Variants in KERA observed in about 807,000 individuals in gnomAD.
KERA encodes keratocan, also known as keratan sulfate proteoglycan keratocan.
KERA carries 25 observed loss-of-function variants against 26.4 expected under a neutral mutation model. The observed-to-expected ratio is 0.95, with a 90% CI of 0.69 to 1.32. The LOEUF is 1.32. Among genes scored for constraint, KERA ranks in the 40% most tolerant of loss-of-function variants. The pLI is 0.00. For synonymous variants in KERA, 167 were observed against 146.1 expected (o/e 1.14, Z -1.03); for missense variants, 434 against 408.9 (o/e 1.06, Z -0.53).
Position 91,051,034 on chromosome 12 carries a change from T to C in KERA, c.*312A>G. On this transcript the variant is annotated 3_prime_UTR_variant, in exon 3 of 3. Transcript: ENST00000266719. ...AACATACACAAATGTGTCCTTTTTA[T>C]TGTATAAGAATGTAATTGTTTTCTT... The C allele has an allele frequency of 3.7e-6, 1 of 269,476 alleles. No individual in the cohort carries two copies. 16.7% of individuals were successfully genotyped at this position (269,476 alleles called of 1,614,324 possible).
chr12:91,055,937 T>C lies in KERA; in HGVS notation c.345A>G (p.Gly115=). ...GCAACTTCTTCAGCTGGCTTAGGGCTCCTTTTTCAATTCCGTAGTTGGTTA... is the reference window on the plus strand; with the variant it reads ...GCAACTTCTTCAGCTGGCTTAGGGCCCCTTTTTCAATTCCGTAGTTGGTTA... ...NKITNYGIEK[G]ALSQLKKLLF... The change falls in exon 2 of 3, where the codon GGA becomes GGG. Residue 115 remains glycine, a synonymous_variant. Coordinates refer to ENST00000266719, the MANE Select transcript of KERA (RefSeq NM_007035.4). 6.2e-7 allele frequency: 1 copy of C among 1,611,262 alleles called. No individual in the cohort carries two copies. Among genetic ancestry groups the C allele is most frequent in the South Asian group, 1.1e-5 (1 of 90,996 alleles).
chr12:91,057,356 CAT>C (rs745458341), intron 1 of KERA, among the ~76,000 whole-genome samples: 2 of 88,756 alleles, frequency 2.3e-5, no homozygotes, highest in East Asian at 3.1e-4. Context: ...TTATAGCATA[CAT>C]ATGTTACATA....
rs1356444633 is a variant in KERA at position 91,055,986 on chromosome 12, C to T, written c.296G>A (p.Trp99Ter). 1 of 1,610,648 alleles carries T rather than the reference C, an allele frequency of 6.2e-7. No individual in the cohort carries two copies. The highest frequency in any genetic ancestry group is 8.5e-7 in the Non-Finnish European group (1 of 1,178,080). Residue 99 changes from tryptophan (W) to a stop codon, truncating the protein, a stop_gained, in exon 2 of 3, where the codon TGG (tryptophan) becomes TAG (stop). Transcript: ENST00000266719. LOFTEE classifies it high-confidence loss of function. ...KPFENATQLR[W>*]INLNKNKITN... ...TATTTTGTTCTTGTTTAGATTTATCCATCTTAGCTGGGTGGCATTCTCAAA... is the reference window on the plus strand; with the variant it reads ...TATTTTGTTCTTGTTTAGATTTATCTATCTTAGCTGGGTGGCATTCTCAAA...
chr12:91,052,531 G>A (rs961806325), intron 2 of KERA, among the ~76,000 whole-genome samples: 7 of 151,490 alleles, frequency 4.6e-5, no homozygotes, highest in African/African-American at 1.7e-4. Flanking sequence ...ATGCCATTTT[G>A]TAAACTGAAT....
Position 91,055,541 on chromosome 12 carries a change from G to A in KERA, c.741C>T (p.Asn247=), listed in dbSNP as rs569911279. The change falls in exon 2 of 3, where the codon AAC becomes AAT. Residue 247 remains asparagine, a synonymous_variant. Coordinates refer to ENST00000266719, the MANE Select transcript of KERA (RefSeq NM_007035.4). ...PKVAFLRLNH[N]KLSDEGLPSR... ...ATGGGAGACCCTCATCTGACAGTTT[G>A]TTGTGATTTAGTCTCAAAAAGGCCA... 1.2e-6 allele frequency: 2 copies of A among 1,610,446 alleles called. No individual in the cohort carries two copies. Among genetic ancestry groups the A allele is most frequent in the Admixed American group, 1.7e-5 (1 of 59,662 alleles).
rs1387514332 is a variant in KERA, at chr12:91,051,493, G to A, written c.912C>T (p.Pro304=). ...GTTCTGCAGGCAGCATGGATGGGCT[G>A]GGACATATTACAGAGACATTCACAC... ...IKSVNVSVIC[P]SPSMLPAERD... Residue 304 remains proline (P), a synonymous_variant, in exon 3 of 3, where the codon CCC becomes CCT. Transcript: ENST00000266719. 3 of 1,609,808 alleles carry A rather than the reference G, an allele frequency of 1.9e-6. No homozygotes were observed. Among genetic ancestry groups the A allele is most frequent in the African/African-American group, 2.7e-5 (2 of 74,664 alleles).
Position 91,056,227 on chromosome 12 carries a change from A to G in KERA, c.55T>C (p.Trp19Arg), listed in dbSNP as rs763193954. ...MWVLFITDTV[W>R]SRSVRQVYEV... ...TAGACCTGCCTCACACTTCTAGACC[A>G]CACAGTGTCTGTTATGAATAACACC... Residue 19 changes from tryptophan to arginine, a missense_variant, in exon 2 of 3, where the codon TGG (tryptophan) becomes CGG (arginine). Trp to Arg is a moderately radical substitution (Grantham distance 101, BLOSUM62 -3). Transcript: ENST00000266719. 6 of 1,608,996 alleles carry G rather than the reference A, an allele frequency of 3.7e-6. No homozygotes were observed. The Admixed American group carries it at 1.0e-4, about 27-fold the overall frequency.
At chr12:91,052,233 T>C (rs747029970) in intron 2 of KERA, among the ~76,000 whole-genome samples, 1 of 151,604 alleles carries the variant, frequency 6.6e-6, no homozygotes, top group South Asian at 2.1e-4. Flanking sequence ...GCACCTGCCT[T>C]GGATCAAAGC....
At chr12:91,054,853 C>G (rs1430792661) in intron 2 of KERA, among the ~76,000 whole-genome samples, 1 of 151,246 alleles carries the variant, frequency 6.6e-6, no homozygotes, top group Non-Finnish European at 1.5e-5. Context: ...TCCACATCTA[C>G]TGAATCAGAA....
At chr12:91,054,910 C>G (rs1034105498) in intron 2 of KERA, among the ~76,000 whole-genome samples, 1 of 151,106 alleles carries the variant, frequency 6.6e-6, no homozygotes, top group Non-Finnish European at 1.5e-5. Context: ...TTTGAGACTC[C>G]CACTGTAATT....
In KERA at chr12:91,051,436, G is replaced by T; in HGVS notation, c.969C>A (p.Arg323=). The T allele has an allele frequency of 6.2e-7, 1 of 1,610,896 alleles. No individual in the cohort carries two copies. The highest frequency in any genetic ancestry group is 8.5e-7 in the Non-Finnish European group (1 of 1,177,754). ...TTTCATTTCCATCCAGACGGAGGTAGCGAAGATGAGGTCCATAACTGAAGG... is the reference window on the plus strand; with the variant it reads ...TTTCATTTCCATCCAGACGGAGGTATCGAAGATGAGGTCCATAACTGAAGG... ...RDSFSYGPHL[R]YLRLDGNEIK... Residue 323 remains arginine (R), a synonymous_variant, in exon 3 of 3, where the codon CGC becomes CGA. Coordinates refer to ENST00000266719, the MANE Select transcript of KERA (RefSeq NM_007035.4).
At chr12:91,055,029 A>T (rs934049657) in intron 2 of KERA, among the ~76,000 whole-genome samples, 1 of 151,198 alleles carries the variant, frequency 6.6e-6, no homozygotes, top group African/African-American at 2.4e-5. Flanking sequence ...TATTTTCTTT[A>T]TTACTAGTCA....
chr12:91,056,456 A>G (rs1879008782), intron 1 of KERA, among the ~76,000 whole-genome samples, 167 bp from the exon 2 acceptor site: 1 of 151,272 alleles, frequency 6.6e-6, no homozygotes, highest in Admixed American at 6.6e-5. Flanking sequence ...TAGGCACCAT[A>G]TGCAAAGCAT....
chr12:91,056,706 C>T (rs1235752600), intron 1 of KERA, among the ~76,000 whole-genome samples: 2 of 151,252 alleles, frequency 1.3e-5, no homozygotes, highest in African/African-American at 2.4e-5. Context: ...TATGCTTTTA[C>T]TTTTACTCTT....
intron 1 of KERA, 22 bp from the exon 2 acceptor site, chr12:91,056,311 T>C: frequency 1.3e-6 from 2 of 1,581,514 alleles, no homozygotes; most frequent in African/African-American, 1.4e-5. Flanking sequence ...GGAACACAAC[T>C]GTTAGATATT....
rs533396477 is a variant in KERA at position 91,054,723 on chromosome 12, C to T, written c.886+673G>A. On this transcript the variant is annotated intron_variant, in intron 2 of 2. Coordinates refer to ENST00000266719, the MANE Select transcript of KERA (RefSeq NM_007035.4). The stretch of plus-strand genomic sequence containing the variant: ...GTAAGTCCCAAGGAGTTGCCAGCTA[C>T]CAGGGAAATTTCTTTCCATTTTAAT... 4.0e-5 allele frequency among the ~76,000 whole-genome samples: 6 copies of T among 151,360 alleles called. No homozygotes were observed. The Middle Eastern group carries it at 0.01, about 257-fold the overall frequency.
At chr12:91,054,101 C>G (rs533702133) in intron 2 of KERA, among the ~76,000 whole-genome samples, 1 of 151,322 alleles carries the variant, frequency 6.6e-6, no homozygotes, top group Admixed American at 6.6e-5. Flanking sequence ...ATTTCATCAC[C>G]ATGGAAAAAT....
At chr12:91,055,322 T>C in intron 2 of KERA, 74 bp downstream of exon 2, 1 of 1,333,920 alleles carries the variant, frequency 7.5e-7, no homozygotes, top group Non-Finnish European at 1.1e-6. Flanking sequence ...ACATTTGCTC[T>C]TCTTAATGAA....
At chr12:91,057,583 G>T (rs1298160221) in intron 1 of KERA, among the ~76,000 whole-genome samples, 161 bp downstream of exon 1, 1 of 150,274 alleles carries the variant, frequency 6.7e-6, no homozygotes, top group African/African-American at 2.4e-5. Context: ...TAGGATTGCA[G>T]AACGCTGCTC....
Sources: allele counts gnomAD v4.1 joint callset (sites outside exome capture counted in the v4.1 genomes callset), GRCh38; gene constraint gnomAD v4.1.1; transcripts MANE v1.5; gene names NCBI Gene and HGNC (gene_info 2026-07-23, HGNC 2026-07-21).